Variants in KIF13A observed in about 807,000 individuals in gnomAD.
KIF13A encodes kinesin-like protein KIF13A.
A neutral mutation model predicts 212.2 loss-of-function variants in KIF13A; 79 were observed. That is an observed-to-expected ratio of 0.37 (90% CI 0.31 to 0.45). KIF13A has a LOEUF of 0.45. KIF13A is among the 20% of genes least tolerant of loss of function. The pLI, the probability that KIF13A is intolerant of heterozygous loss-of-function variation, is 1.00. For missense variants in KIF13A, 1,901 were observed against 2,209.0 expected, an observed-to-expected ratio of 0.86 and a Z score of 2.79; for synonymous variants, 789 against 808.6, an observed-to-expected ratio of 0.98 and a Z score of 0.41.
Position 17,771,164 on chromosome 6 carries a change from T to G in KIF13A, c.4531A>C (p.Asn1511His). ...NPGCIVPSGSNGSSMPVEHNS... is the reference protein window; with the variant it reads ...NPGCIVPSGSHGSSMPVEHNS... ...TGTTCTACTGGCATGCTGCTGCCAT[T>G]GCTTCCTGAGGGTACAATGCAGCCA... The change falls in exon 38 of 39, where the codon AAT becomes CAT. Residue 1511 changes from asparagine (N) to histidine (H), a missense_variant. By Grantham distance (68) the Asn-to-His change is moderately conservative (BLOSUM62 1). Transcript: ENST00000259711. The surrounding 1 kb of genome is among the most constrained non-coding windows in gnomAD (Gnocchi z 5.4). The G allele has an allele frequency of 6.2e-7, 1 of 1,613,528 alleles. No individual in the cohort carries two copies. Among genetic ancestry groups the G allele is most frequent in the East Asian group, 2.2e-5 (1 of 44,888 alleles).
chr6:17,793,632 G>A (rs897994931), intron 25 of KIF13A, among the ~76,000 whole-genome samples: 5 of 151,930 alleles, frequency 3.3e-5, no homozygotes, highest in Admixed American at 1.3e-4. Flanking sequence ...AATAAAAGTG[G>A]CCAGGTGCGG....
At chr6:17,833,886 A>G (rs1765690251) in intron 12 of KIF13A, 75 bp downstream of exon 12, 1 of 628,084 alleles carries the variant, frequency 1.6e-6, no homozygotes, top group Non-Finnish European at 2.6e-6. Flanking sequence ...CTTTCTGAAG[A>G]TGACAGCAAA....
In KIF13A at chr6:17,817,045, T is replaced by G. The variant is rs780042277; in HGVS notation, c.1975A>C (p.Lys659Gln). The stretch of plus-strand genomic sequence containing the variant: ...CTCTCTTCTGCCCACTGGGTCACCT[T>G]CTGCTGCGCTGTCTGGCTGCTGTAG... ...LAYSSQTAQQ[K>Q]VTQWAEERDE... The change falls in exon 17 of 39, where the codon AAG (lysine) becomes CAG (glutamine). Residue 659 changes from lysine (K) to glutamine (Q), a missense_variant. Physicochemically the swap from Lys to Gln is moderately conservative, Grantham distance 53 (BLOSUM62 1). Transcript: ENST00000259711. 6.2e-6 allele frequency: 10 copies of G among 1,612,736 alleles called. No homozygotes were observed. Among genetic ancestry groups the G allele is most frequent in the Middle Eastern group, 1.8e-4 (1 of 5,504 alleles).
chr6:17,934,986 C>A lies in KIF13A; in HGVS notation c.147-36806G>T, dbSNP rs933210331. On this transcript the variant is annotated intron_variant, in intron 2 of 38. Coordinates refer to ENST00000259711, the MANE Select transcript of KIF13A (RefSeq NM_022113.6). This position sits in a 1 kb window ranked among gnomAD's most constrained non-coding sequence, Gnocchi z 5.4. ...AATACCTGAAGCAAGTTCCTTTACA[C>A]CTGTGCTCCAGGCTTCCCACCACGC... Among the ~76,000 whole-genome samples, 33 of 152,080 alleles carry A rather than the reference C, an allele frequency of 2.2e-4. No homozygotes were observed. The highest frequency in any genetic ancestry group is 8.0e-4 in the African/African-American group (33 of 41,394).
chr6:17,858,553 C>T (rs1013399163), intron 4 of KIF13A, among the ~76,000 whole-genome samples: 3 of 152,118 alleles, frequency 2.0e-5, no homozygotes, highest in African/African-American at 7.2e-5. Flanking sequence ...CTCAAAGGAC[C>T]TTCCTTATTC....
intron 4 of KIF13A, among the ~76,000 whole-genome samples, chr6:17,867,828 C>G (rs1299700600): frequency 6.6e-6 from 1 of 152,164 alleles, no homozygotes; most frequent in East Asian, 1.9e-4. Context: ...AATGTTTTGT[C>G]TCATTACGAT....
chr6:17,953,314 C>G (rs1778042781), intron 2 of KIF13A, among the ~76,000 whole-genome samples: 1 of 152,120 alleles, frequency 6.6e-6, no homozygotes, highest in Non-Finnish European at 1.5e-5. Flanking sequence ...CCCATATTCT[C>G]TCTTTCTCAA....
intron 4 of KIF13A, among the ~76,000 whole-genome samples, chr6:17,864,053 G>T (rs995736576): frequency 3.9e-5 from 6 of 152,254 alleles, no homozygotes; most frequent in African/African-American, 1.4e-4. Context: ...ATTTGTCTAG[G>T]GGAAAGCATA....
Position 17,855,273 on chromosome 6 carries a change from G to C in KIF13A, c.494+164C>G, listed in dbSNP as rs1298478074. ...TACATTAATGTAGGATAAACACTGG[G>C]TATACCAAAAGGCTTTGAGAAGCTG... On this transcript the variant is annotated intron_variant, in intron 6 of 38. Transcript: ENST00000259711. This position sits in a 1 kb window ranked among gnomAD's most constrained non-coding sequence, Gnocchi z 4.1. 1.3e-5 allele frequency among the ~76,000 whole-genome samples: 2 copies of C among 152,122 alleles called. No homozygotes were observed. Among genetic ancestry groups the C allele is most frequent in the Non-Finnish European group, 2.9e-5 (2 of 68,042 alleles).
At chr6:17,881,578 T>C in intron 3 of KIF13A, 1 of 379,658 alleles carries the variant, frequency 2.6e-6, no homozygotes, top group South Asian at 1.9e-5. Context: ...ACGCCTGTAA[T>C]CCCAGCTACT....
Position 17,799,292 on chromosome 6 carries a change from A to C in KIF13A, c.2764T>G (p.Tyr922Asp). The C allele has an allele frequency of 3.1e-6, 5 of 1,610,544 alleles. No homozygotes were observed. The highest frequency in any genetic ancestry group is 4.2e-6 in the Non-Finnish European group (5 of 1,178,416). ...TTACAGTGGGAGAAGGTCACTGTGT[A>C]CTGGGCATCCTTGGACTGTGGTGAA... ...VPSPQSKDAQ[Y>D]TVTFSHCKDY... The change falls in exon 22 of 39, where the codon TAC becomes GAC. Residue 922 changes from tyrosine to aspartate, a missense_variant. This residue lies in a region of KIF13A where 534 missense variants were observed against 536.9 expected (regional missense o/e 0.99). Transcript: ENST00000259711. The surrounding 1 kb of genome is among the most constrained non-coding windows in gnomAD (Gnocchi z 4.4).
chr6:17,982,798 C>T lies in KIF13A; in HGVS notation c.146+4256G>A, dbSNP rs1422583454. Among the ~76,000 whole-genome samples the T allele has an allele frequency of 2.0e-5, 3 of 152,140 alleles. No individual in the cohort carries two copies. The highest frequency in any genetic ancestry group is 4.4e-5 in the Non-Finnish European group (3 of 68,020). On this transcript the variant is annotated intron_variant, in intron 2 of 38. Transcript: ENST00000259711. This position sits in a 1 kb window ranked among gnomAD's most constrained non-coding sequence, Gnocchi z 5.1. ...GGGATCAGACCCGTAAGCCAACCAC[C>T]TATATTTTAAAAACCACCACTACCA...
At chr6:17,864,211 G>A (rs985418705) in intron 4 of KIF13A, among the ~76,000 whole-genome samples, 6 of 152,296 alleles carry the variant, frequency 3.9e-5, no homozygotes, top group Non-Finnish European at 7.4e-5. Context: ...TGCCAAAAAG[G>A]CGGTGGCCAC....
At position 17,973,530 on chromosome 6, in the gene KIF13A, G is replaced by A. The variant is rs780227526; in HGVS notation, c.146+13524C>T. On this transcript the variant is annotated intron_variant, in intron 2 of 38. Transcript: ENST00000259711. ...GCCAAGAAGTAAATTAAAATGCAAT[G>A]TATTTCAGCTCCTATAAATGTTACC... is the stretch of plus-strand genomic sequence containing the variant. 3.5e-4 allele frequency among the ~76,000 whole-genome samples: 53 copies of A among 152,192 alleles called. 1 individual carries two copies. In the Middle Eastern group the frequency reaches 0.024, roughly 68 times the overall value.
At chr6:17,929,383 G>A (rs1468326284) in intron 2 of KIF13A, among the ~76,000 whole-genome samples, 2 of 150,396 alleles carry the variant, frequency 1.3e-5, no homozygotes, top group African/African-American at 4.9e-5. Flanking sequence ...AGGACTAGAG[G>A]TGTGTGCAGC....
chr6:17,850,545 T>A lies in KIF13A; in HGVS notation c.583-88A>T. The A allele has an allele frequency of 7.6e-7, 1 of 1,318,078 alleles. No individual in the cohort carries two copies. The highest frequency in any genetic ancestry group is 1.0e-6 in the Non-Finnish European group (1 of 985,594). The allele number at this position is 1,318,078 out of a possible 1,614,324, so 81.6% of individuals were successfully genotyped here. ...AGGTATATGTATTAATTATGATTCC[T>A]CTGATGCCTTTGTCACCACCCTTCC... On this transcript the variant is annotated intron_variant, in intron 7 of 38. Coordinates refer to ENST00000259711, the MANE Select transcript of KIF13A (RefSeq NM_022113.6). This position sits in a 1 kb window ranked among gnomAD's most constrained non-coding sequence, Gnocchi z 6.2.
At chr6:17,896,922 G>C (rs1376046183) in intron 3 of KIF13A, among the ~76,000 whole-genome samples, 2 of 152,182 alleles carry the variant, frequency 1.3e-5, no homozygotes, top group Non-Finnish European at 2.9e-5. Context: ...GTAAAAGCTA[G>C]ATAAACGGCA....
chr6:17,921,745 G>A (rs1041487022), intron 2 of KIF13A, among the ~76,000 whole-genome samples: 7 of 152,100 alleles, frequency 4.6e-5, no homozygotes, highest in South Asian at 2.1e-4. Flanking sequence ...TCTTGGTGTC[G>A]TCCTGTGCTC....
In KIF13A at chr6:17,785,114, A is replaced by C. The variant is rs1300553253; in HGVS notation, c.3488+401T>G. ...ACAATATACAAGATAGTATTATCAT[A>C]TATAAGGTATTTTATATACATTATC... is the stretch of plus-strand genomic sequence containing the variant. On this transcript the variant is annotated intron_variant, in intron 28 of 38. Coordinates refer to ENST00000259711, the MANE Select transcript of KIF13A (RefSeq NM_022113.6). The surrounding 1 kb of genome is among the most constrained non-coding windows in gnomAD (Gnocchi z 5.8). Among the ~76,000 whole-genome samples, 2 of 152,228 alleles carry C rather than the reference A, an allele frequency of 1.3e-5. No individual in the cohort carries two copies. The highest frequency in any genetic ancestry group is 2.9e-5 in the Non-Finnish European group (2 of 68,040).
Sources: allele counts gnomAD v4.1 joint callset (sites outside exome capture counted in the v4.1 genomes callset), GRCh38; gene constraint gnomAD v4.1.1; regional missense constraint gnomAD v4.1.1; non-coding constraint Gnocchi (gnomAD v3.1); transcripts MANE v1.5; gene names NCBI Gene and HGNC (gene_info 2026-07-23, HGNC 2026-07-21).